Variants in GCA observed in about 807,000 individuals in gnomAD.
GCA encodes the protein grancalcin, EF-hand calcium-binding protein.
In GCA, 30 loss-of-function variants were observed where a neutral mutation model predicts 32.6. The ratio of observed to expected loss-of-function variants is 0.92; its 90% CI spans 0.69 to 1.25. The LOEUF (loss-of-function observed/expected upper bound fraction) is 1.25. Among genes scored for constraint, GCA ranks in the 50% most tolerant of loss-of-function variants. The probability of loss-of-function intolerance (pLI) is 0.00; values close to 1 mark genes in which losing one functional copy is unlikely to be tolerated. For synonymous variants in GCA, 102 were observed against 84.6 expected (o/e 1.21, Z -1.13); for missense variants, 291 against 266.8 (o/e 1.09, Z -0.63).
intron 3 of GCA, among the ~76,000 whole-genome samples, chr2:162,356,146 T>G (rs1250995238): frequency 1.3e-5 from 2 of 152,042 alleles, no homozygotes; most frequent in African/African-American, 4.8e-5. Flanking sequence ...TCCCCAGGCT[T>G]GGGTGAAGCC....
chr2:162,341,428 T>C (rs1216767118), upstream of GCA, among the ~76,000 whole-genome samples: 1 of 151,644 alleles, frequency 6.6e-6, no homozygotes, highest in Non-Finnish European at 1.5e-5. Flanking sequence ...GAAAAAGAAC[T>C]GCAGTTAATT....
At position 162,361,273 on chromosome 2, in the gene GCA, A is replaced by G. The variant is rs1193065229; in HGVS notation, c.*1030A>G. On this transcript the variant is annotated 3_prime_UTR_variant, in exon 8 of 8. Transcript: ENST00000437150. The stretch of plus-strand genomic sequence containing the variant: ...CACAGCAACTTTTCTGCGTGGTACT[A>G]AAACTGCCGAAAATGCGACGTAGAA... 1.0e-6 allele frequency: 1 copy of G among 984,518 alleles called. No homozygotes were observed. The highest frequency in any genetic ancestry group is 1.2e-6 in the Non-Finnish European group (1 of 829,416). The allele number at this position is 984,518 out of a possible 1,614,324, so 61.0% of individuals were successfully genotyped here. A position where few individuals can be genotyped will look rare whatever the true frequency, so the allele number is the denominator to read the frequency against.
At position 162,362,240 on chromosome 2, in the gene GCA, T is replaced by A. The variant is rs1015016332; in HGVS notation, c.*1997T>A. On this transcript the variant is annotated 3_prime_UTR_variant, in exon 8 of 8. Transcript: ENST00000437150. ...TTATTTGACCCAGTTTTTTCCAAAC[T>A]TTTTGACCACAGAACCCCTTTCTCT... is the stretch of plus-strand genomic sequence containing the variant. 2.2e-5 allele frequency: 22 copies of A among 984,590 alleles called. No homozygotes were observed. Among genetic ancestry groups the A allele is most frequent in the South Asian group, 9.4e-5 (2 of 21,288 alleles). The allele number at this position is 984,590 out of a possible 1,614,324, so 61.0% of individuals were successfully genotyped here.
chr2:162,359,051 G>T lies in GCA; in HGVS notation c.462G>T (p.Arg154Ser), dbSNP rs760359625. The T allele has an allele frequency of 7.2e-6, 11 of 1,518,354 alleles. No individual in the cohort carries two copies. Among genetic ancestry groups the T allele is most frequent in the Admixed American group, 6.8e-5 (4 of 58,958 alleles). The allele number at this position is 1,518,354 out of a possible 1,614,324, so 94.1% of individuals were successfully genotyped here. A position where few individuals can be genotyped will look rare whatever the true frequency, so the allele number is the denominator to read the frequency against. ...AATTTATCTCTTTTTTAGGTTATAG[G>T]TTGAGTCCTCAAACATTAACTACTA... ...LRQAIGLMGY[R>S]LSPQTLTTIV... The change falls in exon 6 of 8, where the codon AGG (arginine) becomes AGT (serine). Residue 154 changes from arginine to serine, a missense_variant. Physicochemically the swap from Arg to Ser is moderately radical, Grantham distance 110. Transcript: ENST00000437150.
chr2:162,359,668 C>T, intron 7 of GCA, 116 bp downstream of exon 7: 1 of 485,062 alleles, frequency 2.1e-6, no homozygotes. Flanking sequence ...ATGCCACATA[C>T]TTTTCCATAT....
chr2:162,343,569 C>T (rs1479266499), upstream of GCA, among the ~76,000 whole-genome samples: 2 of 152,196 alleles, frequency 1.3e-5, no homozygotes, highest in African/African-American at 4.8e-5. Flanking sequence ...CATTTATCTA[C>T]CAAACAGAAT....
At position 162,349,513 on chromosome 2, in the gene GCA, T is replaced by C. The variant is rs865780564; in HGVS notation, c.192+1771T>C. ...AACATTTGGGAACATCTTTTTAAGA[T>C]GTGTGTTTTTTTTTCTTGATATGTT... On this transcript the variant is annotated intron_variant, in intron 2 of 7. Transcript: ENST00000437150. 6.6e-5 allele frequency among the ~76,000 whole-genome samples: 10 copies of C among 152,288 alleles called. No individual in the cohort carries two copies. In the South Asian group the frequency reaches 1.9e-3, roughly 28 times the overall value.
intron 2 of GCA, 37 bp downstream of exon 2, chr2:162,347,779 A>AC: frequency 7.8e-7 from 1 of 1,281,406 alleles, no homozygotes; most frequent in Non-Finnish European, 1.1e-6. Context: ...TATGTCTTTA[A>AC]AATTATTGTT....
At chr2:162,325,016 A>G (rs1416921323) in intron 1 of GCA, among the ~76,000 whole-genome samples, 2 of 152,188 alleles carry the variant, frequency 1.3e-5, no homozygotes, top group Non-Finnish European at 2.9e-5. Context: ...AACAAGTTCT[A>G]TAAGGTTAAG....
chr2:162,332,527 C>CA (rs1043266590), intron 1 of GCA, among the ~76,000 whole-genome samples: 25 of 151,684 alleles, frequency 1.6e-4, no homozygotes, highest in Admixed American at 9.9e-4. Flanking sequence ...GACAAAGTAA[C>CA]AAGTGCAGGA....
chr2:162,343,639 G>A (rs1684521879), upstream of GCA, among the ~76,000 whole-genome samples: 1 of 152,048 alleles, frequency 6.6e-6, no homozygotes. Context: ...CACTCCTCCT[G>A]GACCACAGGT....
intron 1 of GCA, among the ~76,000 whole-genome samples, chr2:162,332,843 T>C (rs1684145957): frequency 6.6e-6 from 1 of 152,130 alleles, no homozygotes; most frequent in Non-Finnish European, 1.5e-5. Flanking sequence ...AGATTTAATG[T>C]GACTTAGTGA....
chr2:162,363,357 G>C (rs562808180), downstream of GCA, among the ~76,000 whole-genome samples: 1 of 151,126 alleles, frequency 6.6e-6, no homozygotes, highest in Non-Finnish European at 1.5e-5. Flanking sequence ...CAATTTTTGG[G>C]TTGCAATTCA....
chr2:162,323,730 A>G (rs1683771100), intron 1 of GCA, among the ~76,000 whole-genome samples: 1 of 151,606 alleles, frequency 6.6e-6, no homozygotes, highest in Non-Finnish European at 1.5e-5. Context: ...GATATGTGGC[A>G]TTATTTCTGA....
chr2:162,325,149 G>T (rs1327150315), intron 1 of GCA, among the ~76,000 whole-genome samples: 3 of 152,334 alleles, frequency 2.0e-5, no homozygotes, highest in South Asian at 4.1e-4. Flanking sequence ...CCTGGTGAAA[G>T]AAATTAAACC....
chr2:162,342,542 C>G (rs1434012427), upstream of GCA, among the ~76,000 whole-genome samples: 1 of 152,192 alleles, frequency 6.6e-6, no homozygotes, highest in African/African-American at 2.4e-5. Context: ...GAACTCCAAG[C>G]TTAGGAAAGT....
chr2:162,362,369 G>C lies in GCA; in HGVS notation c.*2126G>C. 1.0e-6 allele frequency: 1 copy of C among 981,128 alleles called. No individual in the cohort carries two copies. Among genetic ancestry groups the C allele is most frequent in the Non-Finnish European group, 1.2e-6 (1 of 826,350 alleles). 60.8% of individuals were successfully genotyped at this position (981,128 alleles called of 1,614,324 possible). On this transcript the variant is annotated 3_prime_UTR_variant, in exon 8 of 8. Transcript: ENST00000437150. ...TATGTTAACAAAAACATTAGGCCTAGAGAATATTTTACCAGAATTTTTATA... is the reference window on the plus strand; with the variant it reads ...TATGTTAACAAAAACATTAGGCCTACAGAATATTTTACCAGAATTTTTATA...
chr2:162,325,659 GATA>G (rs1683848053), intron 1 of GCA, among the ~76,000 whole-genome samples: 1 of 152,118 alleles, frequency 6.6e-6, no homozygotes, highest in African/African-American at 2.4e-5. Context: ...CTTCCGGTTG[GATA>G]ATGTTTGCCC....
chr2:162,371,905 G>C (rs764856967), downstream of GCA: 2 of 1,613,726 alleles, frequency 1.2e-6, no homozygotes, highest in Non-Finnish European at 1.7e-6. Context: ...GGATGAATCT[G>C]GCAAAGAAGG....
Sources: gnomAD v4.1 joint callset for allele counts (sites outside exome capture counted in the v4.1 genomes callset) on GRCh38, gnomAD v4.1.1 for gene constraint, MANE v1.5 for transcripts, NCBI Gene and HGNC (gene_info 2026-07-23, HGNC 2026-07-21) for gene names.